Variants in ZNF653 observed in about 807,000 individuals in gnomAD.
ZNF653 encodes the protein zinc finger protein 653.
ZNF653 carries 37 observed loss-of-function variants against 59.9 expected under a neutral mutation model. That is an observed-to-expected ratio of 0.62 (90% CI 0.48 to 0.81). ZNF653 has a LOEUF of 0.81. Among genes scored for constraint, ZNF653 ranks in the 40% least tolerant of loss-of-function variants. ZNF653 has a pLI of 0.00. For synonymous variants in ZNF653, 435 were observed against 371.8 expected (o/e 1.17, Z -1.96); for missense variants, 808 against 881.1 (o/e 0.92, Z 1.05).
intron 2 of ZNF653, among the ~76,000 whole-genome samples, chr19:11,497,717 C>CAAA (rs1246479125): frequency 6.6e-6 from 1 of 152,180 alleles, no homozygotes; most frequent in Non-Finnish European, 1.5e-5. Context: ...AATGTGCTCA[C>CAAA]AGTCTCCAAT....
At chr19:11,503,125 C>T (rs554312824) in intron 1 of ZNF653, among the ~76,000 whole-genome samples, 24 of 152,252 alleles carry the variant, frequency 1.6e-4, no homozygotes, top group African/African-American at 5.8e-4. Flanking sequence ...TAAGAAAAGG[C>T]TCCCACCTCA....
chr19:11,483,882 C>G, intron 8 of ZNF653, 23 bp from the exon 9 acceptor site: 1 of 504,142 alleles, frequency 2.0e-6, no homozygotes, highest in South Asian at 1.8e-5. Flanking sequence ...CGTGGCGGGA[C>G]GGGGCGGGGT....
At chr19:11,504,469 T>C (rs1249455810) in intron 1 of ZNF653, 1 of 956,002 alleles carries the variant, frequency 1.0e-6, no homozygotes, top group Non-Finnish European at 1.2e-6. Context: ...CCATCCCCTC[T>C]GCCCACCAGA....
chr19:11,492,003 T>G (rs552722398), intron 3 of ZNF653, among the ~76,000 whole-genome samples: 1 of 152,170 alleles, frequency 6.6e-6, no homozygotes, highest in African/African-American at 2.4e-5. Context: ...CCTTTTTCCC[T>G]CCTTTATTTT....
At position 11,487,397 on chromosome 19, in the gene ZNF653, A is replaced by C. The variant is rs1971479578; in HGVS notation, c.1066T>G (p.Cys356Gly). The change falls in exon 4 of 9, where the codon TGT (cysteine) becomes GGT (glycine). Residue 356 changes from cysteine (C) to glycine (G), a missense_variant. Physicochemically the swap from Cys to Gly is radical, Grantham distance 159. Coordinates refer to ENST00000293771, the MANE Select transcript of ZNF653 (RefSeq NM_138783.4). This position sits in a 1 kb window ranked among gnomAD's most constrained non-coding sequence, Gnocchi z 5.1. ...PGSGLGEEVP[C>G]AMMEGVAAYT... ...GCTGCCACACCCTCCATCATGGCAC[A>C]GGGCACCTCCTCGCCCAGTCCACTG... The C allele has an allele frequency of 6.2e-7, 1 of 1,612,358 alleles. No individual in the cohort carries two copies. Among genetic ancestry groups the C allele is most frequent in the African/African-American group, 1.3e-5 (1 of 74,938 alleles).
Position 11,487,199 on chromosome 19 carries a change from G to GC in ZNF653, c.1172-42dup. Reference sequence around the variant, plus strand: ...AGGGTGGTGTCCGCAGGGGACGAAGGCTGCCGAGGTGCCCACTTCGAGGGC... The same window carrying GC: ...AGGGTGGTGTCCGCAGGGGACGAAGGCCTGCCGAGGTGCCCACTTCGAGGGC... On this transcript the variant is annotated intron_variant, in intron 4 of 8. Transcript: ENST00000293771. The surrounding 1 kb of genome is among the most constrained non-coding windows in gnomAD (Gnocchi z 5.1). 6.2e-7 allele frequency: 1 copy of GC among 1,604,840 alleles called. No individual in the cohort carries two copies. Among genetic ancestry groups the GC allele is most frequent in the Non-Finnish European group, 8.5e-7 (1 of 1,176,390 alleles).
intron 2 of ZNF653, 56 bp downstream of exon 2, chr19:11,498,240 C>T: frequency 6.2e-7 from 1 of 1,612,408 alleles, no homozygotes; most frequent in Non-Finnish European, 8.5e-7. Context: ...CCTCCATCTC[C>T]ATATTCCCAC....
In ZNF653 at chr19:11,487,551, C is replaced by T. The variant is rs750082170; in HGVS notation, c.912G>A (p.Val304=). ...TGCCTGGCATGGGGCAGCTGGCCAC[C>T]ACCTCACCCAGGGCCTCCTGGGGCA... ...ENVPQEALGE[V]VASCPMPGMV... Residue 304 remains valine, a synonymous_variant, in exon 4 of 9, where the codon GTG becomes GTA. Transcript: ENST00000293771. The surrounding 1 kb of genome is among the most constrained non-coding windows in gnomAD (Gnocchi z 5.1). The T allele has an allele frequency of 1.7e-5, 28 of 1,613,826 alleles. No individual in the cohort carries two copies. The Admixed American group carries it at 4.7e-4, about 27-fold the overall frequency.
chr19:11,504,688 T>A, intron 1 of ZNF653: 2 of 445,104 alleles, frequency 4.5e-6, no homozygotes, highest in Non-Finnish European at 6.0e-6. Context: ...CTTGCGGCAC[T>A]GCTTGTGATA....
At position 11,505,757 on chromosome 19, in the gene ZNF653, C is replaced by G; in HGVS notation, c.30G>C (p.Ala10=). The G allele has an allele frequency of 7.0e-7, 1 of 1,433,284 alleles. No homozygotes were observed. The allele number at this position is 1,433,284 out of a possible 1,614,324, so 88.8% of individuals were successfully genotyped here. A position where few individuals can be genotyped will look rare whatever the true frequency, so the allele number is the denominator to read the frequency against. Residue 10 remains alanine, a synonymous_variant, in exon 1 of 9, where the codon GCG becomes GCC. Coordinates refer to ENST00000293771, the MANE Select transcript of ZNF653 (RefSeq NM_138783.4). MAERALEPE[A]EAEAEAGAGG... ...CCGCGCCCGCCTCAGCCTCCGCCTC[C>G]GCCTCGGGCTCTAGCGCCCGCTCCG...
chr19:11,497,358 C>G (rs56367850), intron 2 of ZNF653, among the ~76,000 whole-genome samples: 12,180 of 152,260 alleles, frequency 0.08, 793 homozygotes, highest in African/African-American at 0.18. Context: ...CGCTGCATAG[C>G]GGGCGGGCAT....
In ZNF653 at chr19:11,505,503, C is replaced by G. The variant is rs930650093; in HGVS notation, c.284G>C (p.Arg95Pro). 1 of 1,491,364 alleles carries G rather than the reference C, an allele frequency of 6.7e-7. No individual in the cohort carries two copies. The highest frequency in any genetic ancestry group is 1.5e-5 in the African/African-American group (1 of 68,444). 92.4% of individuals were successfully genotyped at this position (1,491,364 alleles called of 1,614,324 possible). A position where few individuals can be genotyped will look rare whatever the true frequency, so the allele number is the denominator to read the frequency against. ...AYLISLERGQ[R>P]SGRHGKPWEQ... Reference sequence around the variant, plus strand: ...GCCCCCTCACCCGTGGCGGCCGCTCCGCTGGCCGCGCTCCAGAGAGATGAG... The same window carrying G: ...GCCCCCTCACCCGTGGCGGCCGCTCGGCTGGCCGCGCTCCAGAGAGATGAG... The change falls in exon 1 of 9, where the codon CGG (arginine) becomes CCG (proline). Residue 95 changes from arginine (R) to proline (P), a missense_variant. Physicochemically the swap from Arg to Pro is moderately radical, Grantham distance 103 (BLOSUM62 -2). Coordinates refer to ENST00000293771, the MANE Select transcript of ZNF653 (RefSeq NM_138783.4).
chr19:11,491,280 C>T (rs1321282697), intron 3 of ZNF653, among the ~76,000 whole-genome samples: 2 of 152,192 alleles, frequency 1.3e-5, no homozygotes, highest in African/African-American at 4.8e-5. Flanking sequence ...CAATGGAATG[C>T]AAGTGGACAG....
Position 11,486,890 on chromosome 19 carries a change from A to G in ZNF653, c.1344-10T>C. ...CTTGCTCCGCCGCCTCCTGGAGGGGAAGGGGCCATGACATCGGGGCTCCCG... is the reference window on the plus strand; with the variant it reads ...CTTGCTCCGCCGCCTCCTGGAGGGGGAGGGGCCATGACATCGGGGCTCCCG... On this transcript the variant is annotated splice_polypyrimidine_tract_variant and intron_variant, in intron 5 of 8. Transcript: ENST00000293771. 6.2e-7 allele frequency: 1 copy of G among 1,610,852 alleles called. No individual in the cohort carries two copies. The highest frequency in any genetic ancestry group is 8.5e-7 in the Non-Finnish European group (1 of 1,178,618).
rs1160069015 is a variant in ZNF653 at position 11,495,343 on chromosome 19, A to G, written c.559+607T>C. ...AAGGGGAATAGAAGGAAACAAGAGA[A>G]AGAGAGAGAGGGAGATGAGACAGAA... is the stretch of plus-strand genomic sequence containing the variant. On this transcript the variant is annotated intron_variant, in intron 3 of 8. Transcript: ENST00000293771. This position sits in a 1 kb window ranked among gnomAD's most constrained non-coding sequence, Gnocchi z 4.9. Among the ~76,000 whole-genome samples, 3 of 152,028 alleles carry G rather than the reference A, an allele frequency of 2.0e-5. No individual in the cohort carries two copies. The highest frequency in any genetic ancestry group is 7.2e-5 in the African/African-American group (3 of 41,386).
chr19:11,486,926 G>C (rs750895503), intron 5 of ZNF653, 46 bp from the exon 6 acceptor site: 12 of 1,610,946 alleles, frequency 7.4e-6, no homozygotes, highest in Admixed American at 5.0e-5. Flanking sequence ...CACCAGGCAG[G>C]CTGGGGGCCT....
chr19:11,505,691 CT>C lies in ZNF653; in HGVS notation c.95del (p.Lys32ArgfsTer89). On this transcript the variant is annotated frameshift_variant, in exon 1 of 9. Transcript: ENST00000293771. LOFTEE classifies it high-confidence loss of function. The part of the protein sequence containing the change: ...AAAEEGAAGR[K>X]ARGRPRLTES... ...CCGTGAGTCGCGGCCGGCCCCGCGC[CT>C]TTCGGCCCGCTGCGCCCTCCTCGGC... 1 of 1,488,134 alleles carries C rather than the reference CT, an allele frequency of 6.7e-7. No homozygotes were observed. Among genetic ancestry groups the C allele is most frequent in the African/African-American group, 1.5e-5 (1 of 68,398 alleles). 92.2% of individuals were successfully genotyped at this position (1,488,134 alleles called of 1,614,324 possible).
chr19:11,498,223 C>T, intron 2 of ZNF653, 73 bp downstream of exon 2: 1 of 1,608,302 alleles, frequency 6.2e-7, no homozygotes, highest in Middle Eastern at 1.7e-4. Flanking sequence ...GACCTGGCCT[C>T]TCTGGGCCTC....
intron 1 of ZNF653, among the ~76,000 whole-genome samples, chr19:11,504,083 C>T (rs185173460): frequency 4.0e-5 from 6 of 151,716 alleles, no homozygotes; most frequent in Non-Finnish European, 8.8e-5. Flanking sequence ...CCACTCTGGG[C>T]GAGAGAGTGA....
Sources: allele counts gnomAD v4.1 joint callset (sites outside exome capture counted in the v4.1 genomes callset), GRCh38; gene constraint gnomAD v4.1.1; non-coding constraint Gnocchi (gnomAD v3.1); transcripts MANE v1.5; gene names NCBI Gene and HGNC (gene_info 2026-07-23, HGNC 2026-07-21).